Variants in PTPRM observed in about 807,000 individuals in gnomAD.
The protein encoded by PTPRM is protein tyrosine phosphatase receptor type M.
A neutral mutation model predicts 186.7 loss-of-function variants in PTPRM; 47 were observed. The ratio of observed to expected loss-of-function variants is 0.25; its 90% confidence interval spans 0.20 to 0.32. The LOEUF (loss-of-function observed/expected upper bound fraction) is 0.32, where lower values mean the gene tolerates loss of function less well. Among genes scored for constraint, PTPRM ranks in the 10% least tolerant of loss-of-function variants. The pLI is 1.00. For missense variants in PTPRM, 1,494 were observed against 1,865.0 expected (o/e 0.80, Z 3.66); for synonymous variants, 668 against 674.9 (o/e 0.99, Z 0.16).
In PTPRM at chr18:8,189,288, C is replaced by CAA. The variant is rs34633889; in HGVS notation, c.2300+45524_2300+45525dup. Among the ~76,000 whole-genome samples the CAA allele has an allele frequency of 3.3e-3, 389 of 116,474 alleles. 4 individuals carry two copies. Among genetic ancestry groups the CAA allele is most frequent in the Middle Eastern group, 4.5e-3 (1 of 222 alleles). The allele number at this position is 116,474 out of a possible 152,430, so 76.4% of individuals were successfully genotyped here. On this transcript the variant is annotated intron_variant, in intron 14 of 32. Transcript: ENST00000580170. ...ATCTGGGTAAGAGCAAGACTCGTCT[C>CAA]AAAAAAAAAAAAAAAAGGTCTCAGG...
chr18:8,246,239 G>A lies in PTPRM; in HGVS notation c.2453-1606G>A, dbSNP rs114038796. ...AGCACCACACCTATGACAAGTGTGGGTATGCATGAGCTCTTTCAGGGTTGG... is the reference window on the plus strand; with the variant it reads ...AGCACCACACCTATGACAAGTGTGGATATGCATGAGCTCTTTCAGGGTTGG... On this transcript the variant is annotated intron_variant, in intron 15 of 32. Coordinates refer to ENST00000580170, the MANE Select transcript of PTPRM (RefSeq NM_001105244.2). Among the ~76,000 whole-genome samples, 1,256 of 152,276 alleles carry A rather than the reference G, an allele frequency of 8.2e-3. 18 individuals are homozygous for A. The highest frequency in any genetic ancestry group is 0.029 in the African/African-American group (1,203 of 41,554).
chr18:7,962,233 TAC>T (rs60819824), intron 7 of PTPRM, among the ~76,000 whole-genome samples: 6,078 of 152,214 alleles, frequency 0.04, 396 homozygotes, highest in African/African-American at 0.14. Flanking sequence ...ACAAATAACA[TAC>T]ATAAACAAAC....
At chr18:8,110,780 G>C (rs1012957047) in intron 11 of PTPRM, among the ~76,000 whole-genome samples, 2 of 152,194 alleles carry the variant, frequency 1.3e-5, no homozygotes, top group African/African-American at 4.8e-5. Flanking sequence ...AGATACAGAA[G>C]GAATTGAGGT....
At chr18:7,875,231 A>G (rs1486479871) in intron 2 of PTPRM, among the ~76,000 whole-genome samples, 10 of 152,106 alleles carry the variant, frequency 6.6e-5, no homozygotes, top group Non-Finnish European at 1.5e-4. Flanking sequence ...TACAAATGAT[A>G]AGTGACATAT....
chr18:8,211,745 G>T (rs73391989), intron 14 of PTPRM, among the ~76,000 whole-genome samples: 1 of 152,132 alleles, frequency 6.6e-6, no homozygotes, highest in East Asian at 1.9e-4. Flanking sequence ...GAAACAGGAA[G>T]CAAGGTCATC....
chr18:7,775,549 C>A (rs1402429519), intron 2 of PTPRM, among the ~76,000 whole-genome samples: 3 of 152,154 alleles, frequency 2.0e-5, no homozygotes, highest in Non-Finnish European at 4.4e-5. Flanking sequence ...GTCTTTCCTG[C>A]CCTCTCAAGA....
At chr18:7,932,876 T>G (rs551989979) in intron 5 of PTPRM, among the ~76,000 whole-genome samples, 1 of 152,204 alleles carries the variant, frequency 6.6e-6, no homozygotes, top group Non-Finnish European at 1.5e-5. Context: ...TCCCCTCTTA[T>G]CCGAGATTTT....
At chr18:7,914,419 C>A (rs1449827370) in intron 4 of PTPRM, among the ~76,000 whole-genome samples, 1 of 152,056 alleles carries the variant, frequency 6.6e-6, no homozygotes. Context: ...CTGACTTTGA[C>A]CTGAAACATG....
intron 11 of PTPRM, among the ~76,000 whole-genome samples, chr18:8,108,871 T>A (rs2091638689): frequency 6.6e-6 from 1 of 152,226 alleles, no homozygotes; most frequent in Admixed American, 6.5e-5. Context: ...TTACTTTAAA[T>A]TCCAGAATAA....
intron 1 of PTPRM, among the ~76,000 whole-genome samples, chr18:7,630,835 C>T (rs1331693025): frequency 1.3e-5 from 2 of 152,120 alleles, no homozygotes; most frequent in Non-Finnish European, 2.9e-5. Flanking sequence ...TAAACACAGA[C>T]ACCATTAATA....
intron 24 of PTPRM, among the ~76,000 whole-genome samples, chr18:8,375,157 A>C (rs1748183668): frequency 1.3e-5 from 2 of 152,220 alleles, no homozygotes; most frequent in African/African-American, 4.8e-5. Context: ...AACAAAAGTA[A>C]ATTAAAACCA....
intron 1 of PTPRM, among the ~76,000 whole-genome samples, chr18:7,621,518 A>G (rs2037938454): frequency 6.6e-6 from 1 of 152,126 alleles, no homozygotes; most frequent in Non-Finnish European, 1.5e-5. Context: ...TTTGATGTTG[A>G]ACATTATGTG....
chr18:8,146,386 G>A (rs576031931), intron 14 of PTPRM, among the ~76,000 whole-genome samples: 1 of 152,206 alleles, frequency 6.6e-6, no homozygotes, highest in Non-Finnish European at 1.5e-5. Flanking sequence ...GTTTTCATTT[G>A]CATTTCTCTA....
intron 1 of PTPRM, among the ~76,000 whole-genome samples, chr18:7,713,697 C>CAAAA (rs139119900): frequency 2.6e-5 from 3 of 115,918 alleles, no homozygotes; most frequent in Non-Finnish European, 1.9e-5. Flanking sequence ...AAATGGAAAG[C>CAAAA]AAAAAAAAAA....
chr18:8,290,706 ACTT>A (rs1213617169), intron 19 of PTPRM, among the ~76,000 whole-genome samples: 1 of 151,976 alleles, frequency 6.6e-6, no homozygotes, highest in East Asian at 1.9e-4. Context: ...TGTTTTGGAG[ACTT>A]ATTACTCTTT....
chr18:7,820,741 G>A (rs895386), intron 2 of PTPRM, among the ~76,000 whole-genome samples: 64 of 152,130 alleles, frequency 4.2e-4, no homozygotes, highest in Non-Finnish European at 8.4e-4. Flanking sequence ...TGACTTCCCC[G>A]GAAAGCACCA....
intron 7 of PTPRM, among the ~76,000 whole-genome samples, chr18:7,956,598 C>T (rs930478257): frequency 3.9e-5 from 6 of 152,200 alleles, no homozygotes; most frequent in South Asian, 2.1e-4. Context: ...TCTGTATCCT[C>T]GTGGCACCTT....
intron 11 of PTPRM, among the ~76,000 whole-genome samples, chr18:8,109,922 A>G (rs2091685262): frequency 6.6e-6 from 1 of 152,178 alleles, no homozygotes; most frequent in Non-Finnish European, 1.5e-5. Context: ...CTAAAACATA[A>G]CTAGCATCCT....
intron 2 of PTPRM, among the ~76,000 whole-genome samples, chr18:7,777,553 G>A (rs149675035): frequency 3.1e-4 from 47 of 152,240 alleles, no homozygotes; most frequent in Non-Finnish European, 4.6e-4. Flanking sequence ...GCTGATGCCC[G>A]TCTTAGACCA....
Sources: gnomAD v4.1 joint callset for allele counts (sites outside exome capture counted in the v4.1 genomes callset) on GRCh38, gnomAD v4.1.1 for gene constraint, MANE v1.5 for transcripts, NCBI Gene and HGNC (gene_info 2026-07-23, HGNC 2026-07-21) for gene names.